FOXP2: variants seen among roughly 807,000 people sequenced by gnomAD.
FOXP2 encodes the protein forkhead box protein P2.
A neutral mutation model predicts 115.8 loss-of-function variants in FOXP2; 12 were observed. The ratio of observed to expected loss-of-function variants is 0.10; its 90% CI spans 0.07 to 0.17. The LOEUF is 0.17. Among genes scored for constraint, FOXP2 ranks in the 10% least tolerant of loss-of-function variants. The probability of loss-of-function intolerance (pLI) is 1.00; values close to 1 mark genes in which losing one functional copy is unlikely to be tolerated. For missense variants in FOXP2, 629 were observed against 843.5 expected, an observed-to-expected ratio of 0.75 and a Z score of 3.15; for synonymous variants, 328 against 297.7, an observed-to-expected ratio of 1.10 and a Z score of -1.05.
intron 1 of FOXP2, among the ~76,000 whole-genome samples, chr7:114,231,139 AAT>A (rs1654989081): frequency 6.6e-6 from 1 of 152,112 alleles, no homozygotes; most frequent in Non-Finnish European, 1.5e-5. Flanking sequence ...TATCATTTAA[AAT>A]AGAGTCTAAA....
At position 114,661,873 on chromosome 7, in the gene FOXP2, CAA is replaced by C. The variant is rs1585005053; in HGVS notation, c.1648-190_1648-189del. The C allele has an allele frequency of 4.1e-5, 26 of 631,100 alleles. No homozygotes were observed. In the East Asian group the frequency reaches 7.9e-4, roughly 19 times the overall value. 39.1% of individuals were successfully genotyped at this position (631,100 alleles called of 1,614,324 possible). Reference sequence around the variant, plus strand: ...AATAGCTTGGAAGGTTCTCTTATCACAAAGTTCAAACTGCAGATTCCAGTAAT... The same window carrying C: ...AATAGCTTGGAAGGTTCTCTTATCACAGTTCAAACTGCAGATTCCAGTAAT... On this transcript the variant is annotated intron_variant, in intron 13 of 16. Coordinates refer to ENST00000350908, the MANE Select transcript of FOXP2 (RefSeq NM_014491.4).
At chr7:114,305,633 T>A (rs989657894) in intron 2 of FOXP2, among the ~76,000 whole-genome samples, 5 of 152,132 alleles carry the variant, frequency 3.3e-5, no homozygotes, top group African/African-American at 1.2e-4. Flanking sequence ...AATTGTACGG[T>A]AAGAAGTTTA....
intron 2 of FOXP2, among the ~76,000 whole-genome samples, chr7:114,326,938 C>T (rs1306402674): frequency 6.6e-6 from 1 of 152,120 alleles, no homozygotes; most frequent in African/African-American, 2.4e-5. Flanking sequence ...AAATGACCTA[C>T]ATTTATTTTC....
intron 2 of FOXP2, among the ~76,000 whole-genome samples, chr7:114,302,360 T>C (rs1304773684): frequency 6.6e-6 from 1 of 152,152 alleles, no homozygotes; most frequent in African/African-American, 2.4e-5. Flanking sequence ...CAAATATTCA[T>C]GTATTAATGA....
intron 3 of FOXP2, among the ~76,000 whole-genome samples, chr7:114,566,619 G>A (rs577835524): frequency 2.7e-4 from 41 of 152,130 alleles, no homozygotes; most frequent in Middle Eastern, 3.4e-3. Flanking sequence ...CTTGTACAGC[G>A]TGCAAAACTA....
chr7:114,615,614 C>A (rs1049585195), intron 3 of FOXP2, among the ~76,000 whole-genome samples: 14 of 152,194 alleles, frequency 9.2e-5, no homozygotes, highest in Admixed American at 6.5e-5. Flanking sequence ...CTCACTGTGC[C>A]TTCAAATTAC....
chr7:114,205,629 A>C (rs973273833), intron 1 of FOXP2, among the ~76,000 whole-genome samples: 2 of 152,190 alleles, frequency 1.3e-5, no homozygotes, highest in African/African-American at 2.4e-5. Flanking sequence ...ATTAGCATTC[A>C]GTATATAATT....
chr7:114,322,038 T>C (rs995362443), intron 2 of FOXP2, among the ~76,000 whole-genome samples: 3 of 148,564 alleles, frequency 2.0e-5, no homozygotes, highest in Non-Finnish European at 4.4e-5. Flanking sequence ...TTTTTTTTTT[T>C]TGAGATAGGG....
intron 1 of FOXP2, among the ~76,000 whole-genome samples, chr7:114,214,971 T>C (rs1260475517): frequency 6.6e-6 from 1 of 152,182 alleles, no homozygotes; most frequent in Non-Finnish European, 1.5e-5. Context: ...GTTTTCAGCT[T>C]TTTAAAGCAT....
chr7:114,658,089 C>T lies in FOXP2; in HGVS notation c.1290C>T (p.Thr430=). ...PKPLNLVSSV[T]MSKNMLETSP... is the part of the protein sequence containing the mutation. ...AGCTAAATCTGGTGTCTAGTGTCAC[C>T]ATGTCGAAGAATATGTTGGAGACAT... The change falls in exon 11 of 17, where the codon ACC becomes ACT. Residue 430 remains threonine (T), a synonymous_variant. Coordinates refer to ENST00000350908, the MANE Select transcript of FOXP2 (RefSeq NM_014491.4). 6.2e-7 allele frequency: 1 copy of T among 1,613,844 alleles called. No homozygotes were observed. The highest frequency in any genetic ancestry group is 2.2e-5 in the East Asian group (1 of 44,856).
intron 3 of FOXP2, among the ~76,000 whole-genome samples, chr7:114,535,350 A>G (rs929082365): frequency 6.6e-6 from 1 of 151,368 alleles, no homozygotes; most frequent in Admixed American, 6.6e-5. Flanking sequence ...GGGGGGGGAA[A>G]CATTTTTAAG....
At chr7:114,273,656 T>C (rs574132901) in intron 1 of FOXP2, among the ~76,000 whole-genome samples, 1 of 152,210 alleles carries the variant, frequency 6.6e-6, no homozygotes, top group East Asian at 1.9e-4. Flanking sequence ...TATTAAGGAT[T>C]GTTGTCTTCT....
chr7:114,553,918 T>G (rs1056819812), intron 3 of FOXP2, among the ~76,000 whole-genome samples: 1 of 152,142 alleles, frequency 6.6e-6, no homozygotes, highest in Non-Finnish European at 1.5e-5. Flanking sequence ...GGATTTGCTA[T>G]TGATCATCTG....
At chr7:114,370,061 T>C (rs1361371519) in intron 2 of FOXP2, among the ~76,000 whole-genome samples, 3 of 152,244 alleles carry the variant, frequency 2.0e-5, no homozygotes, top group Non-Finnish European at 2.9e-5. Context: ...GTAATGCTTG[T>C]TCAAAATTTA....
chr7:114,179,159 TTCTG>T (rs1793392872), intron 1 of FOXP2, among the ~76,000 whole-genome samples: 2 of 151,932 alleles, frequency 1.3e-5, no homozygotes, highest in Non-Finnish European at 2.9e-5. Flanking sequence ...GCTATTGCAT[TTCTG>T]TCTTTTATTA....
chr7:114,435,632 G>T (rs963185964), intron 2 of FOXP2, among the ~76,000 whole-genome samples: 1 of 152,126 alleles, frequency 6.6e-6, no homozygotes, highest in Admixed American at 6.5e-5. Context: ...CTGCCTCCCA[G>T]GTTCAAGAGA....
At chr7:114,201,848 A>T (rs1198199464) in intron 1 of FOXP2, among the ~76,000 whole-genome samples, 2 of 152,200 alleles carry the variant, frequency 1.3e-5, no homozygotes, top group Non-Finnish European at 2.9e-5. Flanking sequence ...TTGCCTTGTG[A>T]TAAATCTGAA....
intron 1 of FOXP2, among the ~76,000 whole-genome samples, chr7:114,103,777 A>G (rs7785744): frequency 4.6e-5 from 7 of 151,610 alleles, no homozygotes; most frequent in Non-Finnish European, 7.4e-5. Flanking sequence ...AAATAATTTC[A>G]TTTTTTCCCT....
chr7:114,279,763 G>GT (rs140829474), intron 1 of FOXP2, among the ~76,000 whole-genome samples: 6,199 of 149,872 alleles, frequency 0.041, 308 homozygotes, highest in African/African-American at 0.13. Context: ...TGTTATATTA[G>GT]TTTAAAAAAA....
Sources: allele counts gnomAD v4.1 joint callset (sites outside exome capture counted in the v4.1 genomes callset), GRCh38; gene constraint gnomAD v4.1.1; transcripts MANE v1.5; gene names NCBI Gene and HGNC (gene_info 2026-07-23, HGNC 2026-07-21).